CNTN4: variants seen among roughly 807,000 people sequenced by gnomAD.
The protein encoded by CNTN4 is contactin 4, also known as contactin-4.
CNTN4 carries 77 observed loss-of-function variants against 122.5 expected under a neutral mutation model. That is an observed-to-expected ratio of 0.63 (90% CI 0.52 to 0.76). The LOEUF (loss-of-function observed/expected upper bound fraction) is 0.76. Ranked by LOEUF, CNTN4 falls within the 30% of genes least tolerant of loss-of-function variation. The probability of loss-of-function intolerance (pLI) is 0.00; values close to 1 mark genes in which losing one functional copy is unlikely to be tolerated. For missense variants in CNTN4, 1,256 were observed against 1,259.1 expected (o/e 1.00, Z 0.04); for synonymous variants, 512 against 447.0 (o/e 1.15, Z -1.83).
chr3:2,776,609 A>G (rs1207438985), intron 6 of CNTN4, among the ~76,000 whole-genome samples: 6 of 152,146 alleles, frequency 3.9e-5, no homozygotes, highest in Non-Finnish European at 8.8e-5. Context: ...TCTTGGTAGA[A>G]TTGGTAGACT....
chr3:2,298,256 T>C (rs986238930), intron 2 of CNTN4, among the ~76,000 whole-genome samples: 9 of 152,234 alleles, frequency 5.9e-5, no homozygotes, highest in Non-Finnish European at 1.0e-4. Context: ...CTTGTCGTCT[T>C]GTCAGTCGAA....
chr3:3,032,947 A>G (rs57257335), intron 16 of CNTN4, among the ~76,000 whole-genome samples: 2,870 of 152,284 alleles, frequency 0.019, 89 homozygotes, highest in African/African-American at 0.066. Context: ...GATAAAAAAA[A>G]GAACAAACAA....
intron 3 of CNTN4, among the ~76,000 whole-genome samples, chr3:2,506,665 T>G (rs1490780934): frequency 6.6e-6 from 1 of 152,166 alleles, no homozygotes; most frequent in Non-Finnish European, 1.5e-5. Context: ...ATTTCAGGAG[T>G]AAGATCAGAA....
At chr3:2,539,927 G>C (rs2077964657) in intron 3 of CNTN4, among the ~76,000 whole-genome samples, 1 of 151,940 alleles carries the variant, frequency 6.6e-6, no homozygotes, top group Admixed American at 6.6e-5. Flanking sequence ...GATCTAGGAG[G>C]GAACTCAAGA....
intron 13 of CNTN4, among the ~76,000 whole-genome samples, chr3:2,956,194 A>G (rs773205766): frequency 5.9e-5 from 9 of 152,234 alleles, no homozygotes; most frequent in Non-Finnish European, 1.3e-4. Flanking sequence ...ACAAAAGGAC[A>G]AATATTGCAT....
chr3:2,352,593 C>T (rs896156659), intron 3 of CNTN4, among the ~76,000 whole-genome samples: 3 of 152,280 alleles, frequency 2.0e-5, no homozygotes, highest in South Asian at 2.1e-4. Flanking sequence ...CAGTGCTGTG[C>T]TCAAATTCTC....
intron 2 of CNTN4, among the ~76,000 whole-genome samples, chr3:2,304,158 A>C (rs2042623208): frequency 6.6e-6 from 1 of 152,214 alleles, no homozygotes; most frequent in South Asian, 2.1e-4. Flanking sequence ...ATGGGAAGTT[A>C]GAAGCCAATA....
At chr3:2,933,176 C>T (rs374059759) in intron 13 of CNTN4, among the ~76,000 whole-genome samples, 1 of 152,150 alleles carries the variant, frequency 6.6e-6, no homozygotes, top group East Asian at 1.9e-4. Context: ...GTACATTTTA[C>T]GTGTGAAAAG....
chr3:2,376,909 G>T (rs1341261226), intron 3 of CNTN4, among the ~76,000 whole-genome samples: 1 of 152,072 alleles, frequency 6.6e-6, no homozygotes, highest in Non-Finnish European at 1.5e-5. Flanking sequence ...TGTAATCCCA[G>T]CACTTTGGGA....
rs17024470 is a variant in CNTN4, at chr3:2,997,322, T to G, written c.1486+8850T>G. On this transcript the variant is annotated intron_variant, in intron 14 of 24. Transcript: ENST00000418658. Reference sequence around the variant, plus strand: ...AGAAGACGAGTTTGTGGTATGTCTATGTGTATGTTTTAAATCATCTGTCTC... The same window carrying G: ...AGAAGACGAGTTTGTGGTATGTCTAGGTGTATGTTTTAAATCATCTGTCTC... Among the ~76,000 whole-genome samples the G allele has an allele frequency of 4.7e-3, 719 of 152,342 alleles. 9 individuals carry two copies. The highest frequency in any genetic ancestry group is 0.016 in the African/African-American group (669 of 41,588).
At chr3:2,108,102 C>A in intron 2 of CNTN4, among the ~76,000 whole-genome samples, 1 of 152,094 alleles carries the variant, frequency 6.6e-6, no homozygotes, top group Non-Finnish European at 1.5e-5. Flanking sequence ...CTATCCTCCC[C>A]CAGGCTTGCA....
chr3:3,040,003 G>A (rs1254978561), intron 19 of CNTN4, 34 bp from the exon 20 acceptor site: 2 of 1,447,616 alleles, frequency 1.4e-6, no homozygotes, highest in Non-Finnish European at 1.9e-6. Context: ...TGAAACTACT[G>A]TGATTTCTGA....
At chr3:2,466,710 T>C (rs1043687536) in intron 3 of CNTN4, among the ~76,000 whole-genome samples, 2 of 152,172 alleles carry the variant, frequency 1.3e-5, no homozygotes, top group African/African-American at 4.8e-5. Context: ...TGAAGCTGGA[T>C]TGTTTTGATA....
intron 3 of CNTN4, among the ~76,000 whole-genome samples, chr3:2,364,912 A>G (rs1364908542): frequency 6.6e-6 from 1 of 152,186 alleles, no homozygotes; most frequent in Non-Finnish European, 1.5e-5. Flanking sequence ...CATAGTCCAC[A>G]AGATAATATT....
At chr3:2,556,602 T>C (rs2078730924) in intron 3 of CNTN4, among the ~76,000 whole-genome samples, 1 of 152,170 alleles carries the variant, frequency 6.6e-6, no homozygotes. Flanking sequence ...AAGTTTTATA[T>C]ATGTGTGCAT....
At chr3:2,827,225 A>C (rs2093005619) in intron 7 of CNTN4, among the ~76,000 whole-genome samples, 1 of 152,056 alleles carries the variant, frequency 6.6e-6, no homozygotes. Context: ...TACCTTTTTC[A>C]GGCTCCCTCT....
intron 2 of CNTN4, among the ~76,000 whole-genome samples, chr3:2,153,249 T>C (rs963341799): frequency 6.6e-6 from 1 of 151,510 alleles, no homozygotes; most frequent in Non-Finnish European, 1.5e-5. Flanking sequence ...ACCATGGGAG[T>C]GAATGTAGTA....
intron 3 of CNTN4, among the ~76,000 whole-genome samples, chr3:2,380,384 T>C (rs950228101): frequency 1.3e-5 from 2 of 152,208 alleles, no homozygotes; most frequent in Non-Finnish European, 2.9e-5. Flanking sequence ...AGCACTAAGA[T>C]CTGATGTTGT....
chr3:2,883,695 A>G (rs1165788230), intron 9 of CNTN4, among the ~76,000 whole-genome samples: 1 of 152,132 alleles, frequency 6.6e-6, no homozygotes, highest in Admixed American at 6.5e-5. Flanking sequence ...TCTTCTCTCT[A>G]CTTTGGATTT....
Sources: allele counts gnomAD v4.1 joint callset (sites outside exome capture counted in the v4.1 genomes callset), GRCh38; gene constraint gnomAD v4.1.1; transcripts MANE v1.5; gene names NCBI Gene and HGNC (gene_info 2026-07-23, HGNC 2026-07-21).